EFNA5: variants seen among roughly 807,000 people sequenced by gnomAD.
EFNA5 encodes the protein ephrin-A5.
A neutral mutation model predicts 22.9 loss-of-function variants in EFNA5; 5 were observed. That is an observed-to-expected ratio of 0.22 (90% confidence interval 0.11 to 0.46). EFNA5 has a LOEUF of 0.46. Among genes scored for constraint, EFNA5 ranks in the 20% least tolerant of loss-of-function variants. The probability of loss-of-function intolerance (pLI) is 0.99; values close to 1 mark genes in which losing one functional copy is unlikely to be tolerated. For missense variants in EFNA5, 237 were observed against 293.3 expected, an observed-to-expected ratio of 0.81 and a Z score of 1.40; for synonymous variants, 113 against 112.2, an observed-to-expected ratio of 1.01 and a Z score of -0.04.
chr5:107,435,603 AAC>A (rs1464382595), intron 1 of EFNA5, among the ~76,000 whole-genome samples: 1 of 152,146 alleles, frequency 6.6e-6, no homozygotes, highest in Non-Finnish European at 1.5e-5. Context: ...TGATGACCAA[AAC>A]ACATAATTTC....
chr5:107,511,057 G>A, intron 1 of EFNA5, among the ~76,000 whole-genome samples: 1 of 136,740 alleles, frequency 7.3e-6, no homozygotes, highest in Non-Finnish European at 1.5e-5. Flanking sequence ...GGAGAGTTTT[G>A]CTCTTGTTGC....
At chr5:107,443,423 C>T (rs1580454897) in intron 1 of EFNA5, among the ~76,000 whole-genome samples, 1 of 152,206 alleles carries the variant, frequency 6.6e-6, no homozygotes, top group African/African-American at 2.4e-5. Flanking sequence ...ACTATACCCC[C>T]TCAAGAACAG....
intron 1 of EFNA5, among the ~76,000 whole-genome samples, chr5:107,616,294 T>A (rs2112524650): frequency 6.6e-6 from 1 of 152,342 alleles, no homozygotes; most frequent in Admixed American, 6.5e-5. Flanking sequence ...ACAAAAATGA[T>A]AAATGTTTTG....
intron 2 of EFNA5, among the ~76,000 whole-genome samples, chr5:107,422,765 AGGAAGTCACTGGAGGGCT>A (rs1209838125): frequency 1.3e-5 from 2 of 152,204 alleles, no homozygotes; most frequent in Admixed American, 6.5e-5. Context: ...TGGGTGAGAC[AGGAAGTCACTGGAGGGCT>A]GTGACAGAGC....
intron 1 of EFNA5, among the ~76,000 whole-genome samples, chr5:107,428,048 T>C (rs2112421933): frequency 6.6e-6 from 1 of 152,316 alleles, no homozygotes. Flanking sequence ...AATCATAACA[T>C]TTTACAGTTA....
intron 1 of EFNA5, among the ~76,000 whole-genome samples, chr5:107,628,788 T>C (rs1021207748): frequency 1.3e-5 from 2 of 152,144 alleles, no homozygotes; most frequent in Non-Finnish European, 2.9e-5. Context: ...GAAGGCCTTA[T>C]TTAGGACAAA....
chr5:107,638,619 C>T (rs182822255), intron 1 of EFNA5, among the ~76,000 whole-genome samples: 79 of 152,134 alleles, frequency 5.2e-4, no homozygotes, highest in African/African-American at 1.8e-3. Flanking sequence ...TTATAAGTAA[C>T]CTGGGGATGA....
At chr5:107,638,790 CAGAAT>C (rs1362641333) in intron 1 of EFNA5, among the ~76,000 whole-genome samples, 2 of 152,098 alleles carry the variant, frequency 1.3e-5, no homozygotes, top group African/African-American at 4.8e-5. Flanking sequence ...AAATTTCTAA[CAGAAT>C]AGATCTTAAG....
At position 107,448,831 on chromosome 5, in the gene EFNA5, C is replaced by CAATAAATAAATA. The variant is rs57639319; in HGVS notation, c.126-21334_126-21323dup. Reference sequence around the variant, plus strand: ...GGTGACAGTGTGAAACTCTGTCTCACAATAAATAAATAAATAAATAAATAA... The same window carrying CAATAAATAAATA: ...GGTGACAGTGTGAAACTCTGTCTCACAATAAATAAATAAATAAATAAATAAATAAATAAATAA... On this transcript the variant is annotated intron_variant, in intron 1 of 4. Transcript: ENST00000333274. Among the ~76,000 whole-genome samples, 1,000 of 128,112 alleles carry CAATAAATAAATA rather than the reference C, an allele frequency of 7.8e-3. 6 individuals carry two copies. Among genetic ancestry groups the CAATAAATAAATA allele is most frequent in the South Asian group, 0.012 (43 of 3,666 alleles). 84.0% of individuals were successfully genotyped at this position (128,112 alleles called of 152,430 possible). A position where few individuals can be genotyped will look rare whatever the true frequency, so the allele number is the denominator to read the frequency against.
intron 1 of EFNA5, among the ~76,000 whole-genome samples, chr5:107,575,114 G>A (rs1263582393): frequency 6.6e-6 from 1 of 152,098 alleles, no homozygotes; most frequent in Non-Finnish European, 1.5e-5. Flanking sequence ...GAATAAAAAC[G>A]GAATTTTTCT....
At chr5:107,420,322 T>G (rs2559991) in intron 2 of EFNA5, among the ~76,000 whole-genome samples, 76,732 of 151,726 alleles carry the variant, frequency 0.51, 20,442 homozygotes, top group Non-Finnish European at 0.6. Flanking sequence ...AAGTTGTTAT[T>G]TTGGCAATCA....
chr5:107,472,271 T>A (rs1182602831), intron 1 of EFNA5, among the ~76,000 whole-genome samples: 3 of 152,216 alleles, frequency 2.0e-5, no homozygotes, highest in African/African-American at 7.2e-5. Flanking sequence ...TTTTATTACA[T>A]GTTTTGTCAC....
At chr5:107,557,788 T>C (rs1580529428) in intron 1 of EFNA5, among the ~76,000 whole-genome samples, 1 of 152,252 alleles carries the variant, frequency 6.6e-6, no homozygotes, top group Admixed American at 6.5e-5. Flanking sequence ...TACATGTGTT[T>C]AGAAGCGTTT....
chr5:107,426,620 A>G (rs1015791829), intron 2 of EFNA5, among the ~76,000 whole-genome samples: 2 of 152,246 alleles, frequency 1.3e-5, no homozygotes, highest in Non-Finnish European at 2.9e-5. Context: ...CCCAGGACAG[A>G]GTCACTCAAT....
intron 1 of EFNA5, among the ~76,000 whole-genome samples, chr5:107,649,511 A>T (rs950039194): frequency 1.3e-5 from 2 of 152,166 alleles, no homozygotes; most frequent in Non-Finnish European, 2.9e-5. Flanking sequence ...GATTTCATGG[A>T]TCCAAAATTA....
At chr5:107,598,887 T>C (rs1162674314) in intron 1 of EFNA5, among the ~76,000 whole-genome samples, 1 of 152,230 alleles carries the variant, frequency 6.6e-6, no homozygotes, top group Non-Finnish European at 1.5e-5. Flanking sequence ...CCATTTCTTT[T>C]GAATTACATT....
At chr5:107,478,055 C>T (rs1381211246) in intron 1 of EFNA5, among the ~76,000 whole-genome samples, 1 of 151,902 alleles carries the variant, frequency 6.6e-6, no homozygotes, top group African/African-American at 2.4e-5. Flanking sequence ...GACCAAAAAC[C>T]CTGACAGATA....
intron 1 of EFNA5, among the ~76,000 whole-genome samples, chr5:107,492,018 C>T (rs1580490864): frequency 2.6e-5 from 4 of 151,848 alleles, no homozygotes; most frequent in Admixed American, 2.0e-4. Flanking sequence ...TATTTTTATT[C>T]GAGACAGGGT....
At position 107,582,147 on chromosome 5, in the gene EFNA5, C is replaced by T. The variant is rs368263302; in HGVS notation, c.125+88342G>A. On this transcript the variant is annotated intron_variant, in intron 1 of 4. Transcript: ENST00000333274. The stretch of plus-strand genomic sequence containing the variant: ...TTTTACAAAAATAAATTGTTAGTAA[C>T]TCTAATAGAGAGATAAAATATTACT... 1.7e-4 allele frequency among the ~76,000 whole-genome samples: 26 copies of T among 152,104 alleles called. 1 individual carries two copies. The highest frequency in any genetic ancestry group is 1.2e-3 in the East Asian group (6 of 5,176).
Sources: gnomAD v4.1 joint callset for allele counts (sites outside exome capture counted in the v4.1 genomes callset) on GRCh38, gnomAD v4.1.1 for gene constraint, MANE v1.5 for transcripts, NCBI Gene and HGNC (gene_info 2026-07-23, HGNC 2026-07-21) for gene names.